LATS2: variants seen among roughly 807,000 people sequenced by gnomAD.
LATS2 encodes the protein serine/threonine-protein kinase LATS2.
A neutral mutation model predicts 76.0 loss-of-function variants in LATS2; 24 were observed. The observed-to-expected ratio is 0.32, with a 90% CI of 0.23 to 0.44. The LOEUF (loss-of-function observed/expected upper bound fraction) is 0.44. Ranked by LOEUF, LATS2 falls within the 20% of genes least tolerant of loss-of-function variation. The probability of loss-of-function intolerance (pLI) is 1.00; values close to 1 mark genes in which losing one functional copy is unlikely to be tolerated. For synonymous variants in LATS2, 692 were observed against 635.4 expected (o/e 1.09, Z -1.34); for missense variants, 1,286 against 1,481.2 (o/e 0.87, Z 2.16).
intron 2 of LATS2, among the ~76,000 whole-genome samples, chr13:21,000,476 C>A (rs1870992870): frequency 6.6e-6 from 1 of 151,970 alleles, no homozygotes; most frequent in Non-Finnish European, 1.5e-5. Flanking sequence ...TATTTATTAT[C>A]AAAAGTTATT....
intron 2 of LATS2, among the ~76,000 whole-genome samples, chr13:21,036,184 C>T (rs1023586115): frequency 6.6e-6 from 1 of 152,116 alleles, no homozygotes; most frequent in Non-Finnish European, 1.5e-5. Context: ...GCGTGAGCCA[C>T]CGCACCTGGC....
intron 1 of LATS2, among the ~76,000 whole-genome samples, chr13:21,049,622 C>T (rs9506598): frequency 0.75 from 114,638 of 152,042 alleles, 45,191 homozygotes; most frequent in South Asian, 0.91. Flanking sequence ...GGGCAAGCTG[C>T]TTTTCACTCA....
At chr13:20,993,121 T>C (rs560193438) in intron 2 of LATS2, among the ~76,000 whole-genome samples, 10 of 151,366 alleles carry the variant, frequency 6.6e-5, no homozygotes, top group Non-Finnish European at 1.5e-4. Context: ...AGGGCTGCTC[T>C]GCAGCAGGAA....
At chr13:21,004,436 A>G (rs1173390557) in intron 2 of LATS2, among the ~76,000 whole-genome samples, 9 of 146,994 alleles carry the variant, frequency 6.1e-5, no homozygotes, top group Non-Finnish European at 1.1e-4. Flanking sequence ...CACTGTCTCA[A>G]AAAAAAAAAA....
chr13:20,998,974 G>A (rs990895884), intron 2 of LATS2, among the ~76,000 whole-genome samples: 2 of 151,004 alleles, frequency 1.3e-5, no homozygotes, highest in African/African-American at 2.4e-5. Context: ...CCTTTTCCAC[G>A]ACCTTGTCCA....
chr13:21,015,191 T>C (rs936749494), intron 2 of LATS2, among the ~76,000 whole-genome samples: 10 of 152,364 alleles, frequency 6.6e-5, no homozygotes, highest in Middle Eastern at 6.8e-3. Flanking sequence ...TCCTGTACTT[T>C]CTCATGAATG....
Position 20,983,638 on chromosome 13 carries a change from T to C in LATS2, c.2068A>G (p.Thr690Ala), listed in dbSNP as rs1258300599. 4 of 1,613,964 alleles carry C rather than the reference T, an allele frequency of 2.5e-6. No individual in the cohort carries two copies. Among genetic ancestry groups the C allele is most frequent in the Non-Finnish European group, 3.4e-6 (4 of 1,180,020 alleles). Residue 690 changes from threonine (T) to alanine (A), a missense_variant, in exon 5 of 8, where the codon ACT becomes GCT. Transcript: ENST00000382592. ...GTCTTCATGGCGTACAGGGCGTGAG[T>C]GTCCACCTTACAAGCAAGGCACACT... ...GEVCLACKVD[T>A]HALYAMKTLR...
At chr13:21,004,401 T>A (rs1595227673) in intron 2 of LATS2, among the ~76,000 whole-genome samples, 1 of 148,100 alleles carries the variant, frequency 6.8e-6, no homozygotes, top group Non-Finnish European at 1.5e-5. Flanking sequence ...GCCATTGCAC[T>A]CTAGCCTGGG....
intron 1 of LATS2, among the ~76,000 whole-genome samples, chr13:21,055,114 T>A (rs1873410181): frequency 6.6e-6 from 1 of 152,262 alleles, no homozygotes; most frequent in Admixed American, 6.5e-5. Context: ...TAAGCTTTAG[T>A]TTGAAGACAG....
At position 21,016,283 on chromosome 13, in the gene LATS2, G is replaced by A. The variant is rs148317971; in HGVS notation, c.343-24879C>T. ...ATTACAGGCATGAGACAGCGTACCC[G>A]GCCTATTTTTATTTTTTTTGAGACA... On this transcript the variant is annotated intron_variant, in intron 2 of 7. Transcript: ENST00000382592. Among the ~76,000 whole-genome samples the A allele has an allele frequency of 5.9e-4, 88 of 148,018 alleles. No homozygotes were observed. The Middle Eastern group carries it at 0.011, about 19-fold the overall frequency.
chr13:21,035,598 T>C (rs79178317), intron 2 of LATS2, among the ~76,000 whole-genome samples: 6 of 152,218 alleles, frequency 3.9e-5, no homozygotes, highest in East Asian at 1.9e-4. Context: ...TACAACCACA[T>C]GACAGCAAAT....
chr13:21,031,677 AGT>A (rs1280045888), intron 2 of LATS2, among the ~76,000 whole-genome samples: 3 of 152,150 alleles, frequency 2.0e-5, no homozygotes, highest in Non-Finnish European at 4.4e-5. Context: ...TGGGCAAAAT[AGT>A]GAGACCCTGT....
At chr13:20,993,567 A>T (rs1870604638) in intron 2 of LATS2, among the ~76,000 whole-genome samples, 1 of 151,082 alleles carries the variant, frequency 6.6e-6, no homozygotes, top group Admixed American at 6.6e-5. Flanking sequence ...TTGCCTGCCC[A>T]TGTGGGACAT....
chr13:20,990,460 G>A (rs1035841993), intron 3 of LATS2, among the ~76,000 whole-genome samples: 10 of 74,552 alleles, frequency 1.3e-4, no homozygotes, highest in Non-Finnish European at 2.3e-4. Context: ...TAATTACTAG[G>A]ATTTTTTTTT....
intron 2 of LATS2, among the ~76,000 whole-genome samples, chr13:21,042,857 G>A (rs60842975): frequency 0.016 from 2,470 of 152,120 alleles, 59 homozygotes; most frequent in African/African-American, 0.056. Flanking sequence ...GGTGGTGGGT[G>A]CCTGTAATCC....
rs1870490058 is a variant in LATS2 at position 20,991,149 on chromosome 13, G to C, written c.475+123C>G. On this transcript the variant is annotated intron_variant, in intron 3 of 7. Transcript: ENST00000382592. This position sits in a 1 kb window ranked among gnomAD's most constrained non-coding sequence, Gnocchi z 4.9. Reference sequence around the variant, plus strand: ...GGCTCAGCTTGCCTGTTAACTGAATGAGGCAATGTGCCAGGAGACTGGCTC... The same window carrying C: ...GGCTCAGCTTGCCTGTTAACTGAATCAGGCAATGTGCCAGGAGACTGGCTC... 1 of 1,219,794 alleles carries C rather than the reference G, an allele frequency of 8.2e-7. No homozygotes were observed. The highest frequency in any genetic ancestry group is 1.5e-5 in the African/African-American group (1 of 66,536). 75.6% of individuals were successfully genotyped at this position (1,219,794 alleles called of 1,614,324 possible).
At chr13:21,052,636 G>T (rs1206988481) in intron 1 of LATS2, among the ~76,000 whole-genome samples, 2 of 152,154 alleles carry the variant, frequency 1.3e-5, no homozygotes, top group African/African-American at 4.8e-5. Context: ...ACAGGCGCGG[G>T]CTACCATGCC....
chr13:20,988,749 G>T lies in LATS2; in HGVS notation c.1031C>A (p.Pro344Gln). The change falls in exon 4 of 8, where the codon CCG becomes CAG. Residue 344 changes from proline to glutamine, a missense_variant. Pro to Gln is a moderately conservative substitution (Grantham distance 76). Around this residue, in one of 5 missense-constraint regions of LATS2, gnomAD observed 710 missense variants for 660.9 expected, o/e 1.07. Coordinates refer to ENST00000382592, the MANE Select transcript of LATS2 (RefSeq NM_014572.3). ...CCGCGAGGGAGTGAGCAGGCTCTGCGGGGGGCTGTCGCTGGCGAACACCTG... is the reference window on the plus strand; with the variant it reads ...CCGCGAGGGAGTGAGCAGGCTCTGCTGGGGGCTGTCGCTGGCGAACACCTG... ...RSQVFASDSP[P>Q]QSLLTPSRNS... is the part of the protein sequence containing the mutation. 6.3e-7 allele frequency: 1 copy of T among 1,577,496 alleles called. No individual in the cohort carries two copies. Among genetic ancestry groups the T allele is most frequent in the Non-Finnish European group, 8.6e-7 (1 of 1,168,848 alleles).
chr13:20,992,863 C>A (rs749573432), intron 2 of LATS2, among the ~76,000 whole-genome samples: 1 of 152,010 alleles, frequency 6.6e-6, no homozygotes, highest in South Asian at 2.1e-4. Flanking sequence ...GGTGAAATCC[C>A]GTCTCTGCTA....
Sources: gnomAD v4.1 joint callset for allele counts (sites outside exome capture counted in the v4.1 genomes callset) on GRCh38, gnomAD v4.1.1 for gene constraint, gnomAD v4.1.1 regional missense constraint, Gnocchi (gnomAD v3.1) non-coding constraint, MANE v1.5 for transcripts, NCBI Gene and HGNC (gene_info 2026-07-23, HGNC 2026-07-21) for gene names.